Variants in USH2A observed in about 807,000 individuals in gnomAD.
USH2A encodes usherin.
Under a neutral mutation model 538.9 loss-of-function variants are expected in USH2A, and 443 were observed. The ratio of observed to expected loss-of-function variants is 0.82; its 90% CI spans 0.76 to 0.89. The LOEUF is 0.89. Among genes scored for constraint, USH2A ranks in the 40% least tolerant of loss-of-function variants. USH2A has a pLI of 0.00. For missense variants in USH2A, 6,633 were observed against 6,324.8 expected (o/e 1.05, Z -1.65); for synonymous variants, 2,413 against 2,273.5 (o/e 1.06, Z -1.75).
rs558873210 is a variant in USH2A, at chr1:215,953,139, C to T, written c.7120+12178G>A. On this transcript the variant is annotated intron_variant, in intron 37 of 71. Transcript: ENST00000307340. ...AATATTGTGAAAATGGCCATACTGC[C>T]CAAGGTAATTTATAGATTCAATGCC... Among the ~76,000 whole-genome samples, 937 of 152,122 alleles carry T rather than the reference C, an allele frequency of 6.2e-3. 4 individuals carry two copies. Among genetic ancestry groups the T allele is most frequent in the Non-Finnish European group, 9.6e-3 (651 of 68,004 alleles).
intron 47 of USH2A, among the ~76,000 whole-genome samples, chr1:215,837,647 A>G (rs1663569573): frequency 6.6e-6 from 1 of 152,152 alleles, no homozygotes; most frequent in Non-Finnish European, 1.5e-5. Context: ...TTTTTCAAAA[A>G]GATTAAGTTA....
chr1:216,128,269 T>C (rs1445397933), intron 21 of USH2A, among the ~76,000 whole-genome samples: 1 of 152,140 alleles, frequency 6.6e-6, no homozygotes, highest in Non-Finnish European at 1.5e-5. Context: ...CTAAAAACAA[T>C]GTGTAATTTA....
chr1:216,011,629 A>G (rs12034192), intron 32 of USH2A, among the ~76,000 whole-genome samples: 1 of 151,758 alleles, frequency 6.6e-6, no homozygotes, highest in African/African-American at 2.4e-5. Context: ...TAGCCTAGCC[A>G]TCATGTCTCC....
chr1:215,783,014 A>G, intron 52 of USH2A, 79 bp from the exon 53 acceptor site: 1 of 1,356,262 alleles, frequency 7.4e-7, no homozygotes, highest in Non-Finnish European at 1.0e-6. Flanking sequence ...AATATCAAAA[A>G]CTTTAGACAT....
At chr1:215,865,791 GT>G (rs1340772179) in intron 44 of USH2A, among the ~76,000 whole-genome samples, 4 of 152,174 alleles carry the variant, frequency 2.6e-5, no homozygotes, top group Admixed American at 1.3e-4. Context: ...GGATTATTTT[GT>G]GGAAACACAG....
At chr1:215,757,540 C>G (rs12123259) in intron 58 of USH2A, among the ~76,000 whole-genome samples, 16,123 of 152,230 alleles carry the variant, frequency 0.11, 977 homozygotes, top group Non-Finnish European at 0.13. Context: ...AAGGGCGTGT[C>G]ACAATTTCAT....
rs773405046 is a variant in USH2A, at chr1:216,072,891, G to A, written c.5855C>T (p.Ala1952Val). 15 of 1,613,410 alleles carry A rather than the reference G, an allele frequency of 9.3e-6. No individual in the cohort carries two copies. In the African/African-American group the frequency reaches 1.6e-4, roughly 17 times the overall value. ...TGCATTTGAAGATAAGTATTTACCT[G>A]CTCCTGTTGTACGTCCTCGACTCCA... ...SDWSRGRTTGAAPQSVPTPSR... is the reference protein window; with the variant it reads ...SDWSRGRTTGVAPQSVPTPSR... Residue 1952 changes from alanine to valine, a missense_variant and splice_region_variant, in exon 29 of 72, where the codon GCA (alanine) becomes GTA (valine). Coordinates refer to ENST00000307340, the MANE Select transcript of USH2A (RefSeq NM_206933.4).
chr1:216,092,193 T>C (rs1472618918), intron 22 of USH2A, among the ~76,000 whole-genome samples: 1 of 152,190 alleles, frequency 6.6e-6, no homozygotes, highest in African/African-American at 2.4e-5. Context: ...ATGTCAATGG[T>C]CATTTATTTA....
chr1:216,187,354 T>C (rs1227487630), intron 20 of USH2A, among the ~76,000 whole-genome samples: 1 of 151,912 alleles, frequency 6.6e-6, no homozygotes, highest in African/African-American at 2.4e-5. Flanking sequence ...CCTCAAGAGA[T>C]GGTTCTGAAT....
chr1:216,047,420 C>T (rs112413629), intron 31 of USH2A, among the ~76,000 whole-genome samples: 1,844 of 152,158 alleles, frequency 0.012, 40 homozygotes, highest in African/African-American at 0.042. Flanking sequence ...TCAGCAGATG[C>T]AATGATACAA....
At chr1:216,000,031 A>G (rs974572627) in intron 33 of USH2A, among the ~76,000 whole-genome samples, 1 of 152,134 alleles carries the variant, frequency 6.6e-6, no homozygotes, top group African/African-American at 2.4e-5. Context: ...TCTGACATCA[A>G]CTGCAGGTAA....
At chr1:216,092,232 T>C (rs138305332) in intron 22 of USH2A, among the ~76,000 whole-genome samples, 2 of 152,290 alleles carry the variant, frequency 1.3e-5, no homozygotes, top group African/African-American at 4.8e-5. Context: ...CCAAAGACTG[T>C]TCTAAGTCCT....
At chr1:215,660,471 T>A (rs1344721742) in intron 64 of USH2A, among the ~76,000 whole-genome samples, 1 of 152,146 alleles carries the variant, frequency 6.6e-6, no homozygotes, top group Non-Finnish European at 1.5e-5. Flanking sequence ...TACACATTAA[T>A]AAGATTGGAA....
At chr1:216,351,932 C>T (rs1451954294) in intron 4 of USH2A, among the ~76,000 whole-genome samples, 1 of 152,036 alleles carries the variant, frequency 6.6e-6, no homozygotes, top group Non-Finnish European at 1.5e-5. Context: ...AAATTGCCTT[C>T]ACTTGTGATG....
intron 23 of USH2A, among the ~76,000 whole-genome samples, chr1:216,088,342 T>C (rs191755802): frequency 6.6e-4 from 100 of 152,282 alleles, no homozygotes; most frequent in Admixed American, 6.6e-3. Flanking sequence ...TTATTTATTC[T>C]GTATTTTGCT....
At chr1:216,153,458 G>A (rs2033879181) in intron 21 of USH2A, among the ~76,000 whole-genome samples, 1 of 152,152 alleles carries the variant, frequency 6.6e-6, no homozygotes, top group African/African-American at 2.4e-5. Context: ...TCCTGCAACA[G>A]GGTGTCAGGG....
chr1:215,757,610 C>T (rs2102740100), intron 58 of USH2A, among the ~76,000 whole-genome samples: 1 of 152,268 alleles, frequency 6.6e-6, no homozygotes, highest in South Asian at 2.1e-4. Flanking sequence ...AACATCTTAA[C>T]CATTTTTAAA....
chr1:216,000,327 C>T (rs1266290380), intron 33 of USH2A, 76 bp downstream of exon 33: 3 of 1,586,362 alleles, frequency 1.9e-6, no homozygotes, highest in African/African-American at 2.7e-5. Context: ...TTTTATGTCA[C>T]AAGCTCCTCC....
In USH2A at chr1:215,728,392, G is replaced by T. The variant is rs376351199; in HGVS notation, c.11712-8C>A. On this transcript the variant is annotated splice_region_variant and splice_polypyrimidine_tract_variant and intron_variant, in intron 60 of 71. Transcript: ENST00000307340. ...TCAATGCCAGCAGGGCGTCTGAAAG[G>T]AAACCAAGCAGGCAACCAGTGACAG... is the stretch of plus-strand genomic sequence containing the variant. 12 of 1,613,494 alleles carry T rather than the reference G, an allele frequency of 7.4e-6. No individual in the cohort carries two copies. In the African/African-American group the frequency reaches 1.3e-4, roughly 18 times the overall value.
Sources: allele counts gnomAD v4.1 joint callset (sites outside exome capture counted in the v4.1 genomes callset), GRCh38; gene constraint gnomAD v4.1.1; transcripts MANE v1.5; gene names NCBI Gene and HGNC (gene_info 2026-07-23, HGNC 2026-07-21).